Variants in FGF13 observed in about 807,000 individuals in gnomAD.
FGF13 encodes fibroblast growth factor homologous factor 2.
FGF13 carries 2 observed loss-of-function variants against 19.5 expected under a neutral mutation model. The ratio of observed to expected loss-of-function variants is 0.10; its 90% CI spans 0.04 to 0.32. The LOEUF (loss-of-function observed/expected upper bound fraction) is 0.32, where lower values mean the gene tolerates loss of function less well. Ranked by LOEUF, FGF13 falls within the 10% of genes least tolerant of loss-of-function variation. The pLI is 1.00. For missense variants in FGF13, 113 were observed against 192.7 expected, an observed-to-expected ratio of 0.59 and a Z score of 2.45; for synonymous variants, 72 against 76.9, an observed-to-expected ratio of 0.94 and a Z score of 0.33.
chrX:138,691,873 T>G (rs1364011180), intron 3 of FGF13, among the ~76,000 whole-genome samples: 1 of 111,972 alleles, frequency 8.9e-6, no homozygotes, highest in Non-Finnish European at 1.9e-5. Flanking sequence ...TGTTATCTAC[T>G]CACACATTCA....
chrX:138,918,892 T>G lies in FGF13; in HGVS notation c.-112-54242A>C, dbSNP rs17331373. 7.2e-3 allele frequency among the ~76,000 whole-genome samples: 808 copies of G among 111,826 alleles called. 4 individuals are homozygous for G. Among genetic ancestry groups the G allele is most frequent in the Non-Finnish European group, 0.011 (571 of 53,083 alleles). On this transcript the variant is annotated intron_variant, in intron 1 of 2. Coordinates refer to the FGF13 transcript ENST00000421460. ...TTGAGATGGCCTGAAAAATCATCATTTGTTGCCATCAGAGTATCTGTCTGT... is the reference window on the plus strand; with the variant it reads ...TTGAGATGGCCTGAAAAATCATCATGTGTTGCCATCAGAGTATCTGTCTGT...
intron 3 of FGF13, among the ~76,000 whole-genome samples, chrX:138,810,890 A>G (rs2124034450): frequency 8.9e-6 from 1 of 111,781 alleles, no homozygotes; most frequent in East Asian, 2.8e-4. Context: ...CAAAACCACA[A>G]TGAGATACCA....
Position 139,013,023 on chromosome X carries a change from G to T in FGF13, c.-112-148373C>A, listed in dbSNP as rs747915144. 7.0e-4 allele frequency among the ~76,000 whole-genome samples: 78 copies of T among 111,476 alleles called. 1 individual carries two copies. Among genetic ancestry groups the T allele is most frequent in the Non-Finnish European group, 1.2e-3 (64 of 52,995 alleles). On this transcript the variant is annotated intron_variant, in intron 1 of 2. Transcript: ENST00000421460. ...AAAAAACAAACAATCCCATCAAAAA[G>T]TGGGCTAAGAACATGAAAAGACAGT...
intron 1 of FGF13, among the ~76,000 whole-genome samples, chrX:139,160,888 G>A (rs893451824): frequency 9.0e-6 from 1 of 111,675 alleles, no homozygotes; most frequent in African/African-American, 3.3e-5. Flanking sequence ...AGGACCAGAT[G>A]GATTCACAGC....
At chrX:139,112,170 T>C (rs1269120427) in intron 1 of FGF13, among the ~76,000 whole-genome samples, 1 of 111,863 alleles carries the variant, frequency 8.9e-6, no homozygotes, top group African/African-American at 3.3e-5. Context: ...CTCCCACACT[T>C]ACTATGTACA....
At chrX:139,196,717 C>T (rs1447655967) in intron 1 of FGF13, among the ~76,000 whole-genome samples, 2 of 111,937 alleles carry the variant, frequency 1.8e-5, no homozygotes, top group Non-Finnish European at 3.8e-5. Flanking sequence ...CAAATCCTCA[C>T]TTCACCATCT....
intron 3 of FGF13, among the ~76,000 whole-genome samples, chrX:138,651,491 C>T (rs1339230006): frequency 8.9e-6 from 1 of 111,738 alleles, no homozygotes; most frequent in East Asian, 2.8e-4. Flanking sequence ...ATAATAGATT[C>T]GATTTTTCCT....
At chrX:139,095,262 T>C (rs1221531291) in intron 1 of FGF13, among the ~76,000 whole-genome samples, 4 of 112,034 alleles carry the variant, frequency 3.6e-5, no homozygotes, top group Non-Finnish European at 7.5e-5. Context: ...AAGCCCTCGC[T>C]CAGGGAGCAG....
chrX:138,707,058 T>G (rs1472344388), intron 2 of FGF13, among the ~76,000 whole-genome samples: 2 of 112,173 alleles, frequency 1.8e-5, no homozygotes, highest in African/African-American at 6.5e-5. Flanking sequence ...ATCAGTCAGT[T>G]ATAAGACAAC....
chrX:138,974,956 G>A (rs1223914447), intron 1 of FGF13, among the ~76,000 whole-genome samples: 1 of 112,349 alleles, frequency 8.9e-6, no homozygotes, highest in African/African-American at 3.2e-5. Context: ...TAGTGAGACT[G>A]AGGATTTCAA....
At chrX:139,153,253 C>G (rs1260170570) in intron 1 of FGF13, among the ~76,000 whole-genome samples, 1 of 110,698 alleles carries the variant, frequency 9.0e-6, no homozygotes, top group Non-Finnish European at 1.9e-5. Context: ...CTTCCGCTTT[C>G]CCAGCTATTT....
intron 3 of FGF13, among the ~76,000 whole-genome samples, chrX:138,647,438 C>T (rs759306580): frequency 1.8e-5 from 2 of 111,248 alleles, no homozygotes; most frequent in African/African-American, 6.5e-5. Flanking sequence ...AAACTGCCAT[C>T]GCCTGTGATG....
At chrX:139,199,466 A>G (rs911453002) in intron 1 of FGF13, among the ~76,000 whole-genome samples, 5 of 112,461 alleles carry the variant, frequency 4.4e-5, no homozygotes, top group Non-Finnish European at 7.5e-5. Context: ...TGTTGATTGT[A>G]ATTCCCAGAA....
At chrX:138,653,236 A>G (rs2089396484) in intron 3 of FGF13, among the ~76,000 whole-genome samples, 1 of 111,284 alleles carries the variant, frequency 9.0e-6, no homozygotes, top group African/African-American at 3.3e-5. Flanking sequence ...TACCAAAACA[A>G]AGATAATAAT....
chrX:138,972,697 C>T (rs1454393726), intron 1 of FGF13, among the ~76,000 whole-genome samples: 1 of 111,091 alleles, frequency 9.0e-6, no homozygotes, highest in Non-Finnish European at 1.9e-5. Context: ...TCATAATAGC[C>T]ATTTTAATGG....
intron 1 of FGF13, among the ~76,000 whole-genome samples, chrX:139,099,628 G>GA (rs2083494883): frequency 9.1e-6 from 1 of 110,395 alleles, no homozygotes; most frequent in South Asian, 3.9e-4. Context: ...TGAATTGAAA[G>GA]AAAAGAGAAC....
intron 3 of FGF13, among the ~76,000 whole-genome samples, chrX:138,784,733 A>T (rs1215901296): frequency 9.0e-6 from 1 of 111,556 alleles, no homozygotes; most frequent in Non-Finnish European, 1.9e-5. Flanking sequence ...CATCTACCTC[A>T]TGTATTCAAG....
At chrX:138,710,769 A>G in intron 1 of FGF13, 48 bp downstream of exon 1, 1 of 1,198,575 alleles carries the variant, frequency 8.3e-7, no homozygotes, top group Non-Finnish European at 1.1e-6. Context: ...CACCGCCCCC[A>G]CCTCACTCGT....
upstream of FGF13, among the ~76,000 whole-genome samples, chrX:138,741,449 T>G: frequency 9.0e-6 from 1 of 111,617 alleles, no homozygotes; most frequent in Non-Finnish European, 1.9e-5. Flanking sequence ...ATTTCTGCTA[T>G]CCTCTCTTTC....
Sources: gnomAD v4.1 joint callset for allele counts (sites outside exome capture counted in the v4.1 genomes callset) on GRCh38, gnomAD v4.1.1 for gene constraint, MANE v1.5 for transcripts, NCBI Gene and HGNC (gene_info 2026-07-23, HGNC 2026-07-21) for gene names.